The following KANK1 variants were observed in gnomAD, a reference collection of about 807,000 sequenced individuals.
The protein encoded by KANK1 is KN motif and ankyrin repeat domains 1, also known as KN motif and ankyrin repeat domain-containing protein 1.
In KANK1, 109 loss-of-function variants were observed where a neutral mutation model predicts 106.2. That is an observed-to-expected ratio of 1.03 (90% CI 0.88 to 1.20). KANK1 has a LOEUF of 1.20. Among genes scored for constraint, KANK1 ranks in the 50% most tolerant of loss-of-function variants. The pLI is 0.00. For missense variants in KANK1, 2,399 were observed against 1,710.7 expected, an observed-to-expected ratio of 1.40 and a Z score of -7.10; for synonymous variants, 873 against 652.2, an observed-to-expected ratio of 1.34 and a Z score of -5.16.
intron 1 of KANK1, among the ~76,000 whole-genome samples, chr9:539,958 A>G (rs866295470): frequency 6.6e-6 from 1 of 152,242 alleles, no homozygotes; most frequent in Non-Finnish European, 1.5e-5. Flanking sequence ...AAGGTTTTCT[A>G]TATATAAGAT....
chr9:531,155 T>C (rs955698838), intron 1 of KANK1, among the ~76,000 whole-genome samples: 2 of 151,870 alleles, frequency 1.3e-5, no homozygotes, highest in Non-Finnish European at 2.9e-5. Context: ...AAGTACTTAA[T>C]TGGCTGGGTG....
At chr9:657,321 C>G (rs750963088) in intron 1 of KANK1, among the ~76,000 whole-genome samples, 1 of 152,160 alleles carries the variant, frequency 6.6e-6, no homozygotes, top group Non-Finnish European at 1.5e-5. Flanking sequence ...GTGAATAATT[C>G]TGTAGTGAAC....
chr9:666,308 G>C (rs1215870120), intron 1 of KANK1, among the ~76,000 whole-genome samples: 1 of 152,092 alleles, frequency 6.6e-6, no homozygotes, highest in Non-Finnish European at 1.5e-5. Context: ...TTGTATGTTG[G>C]CTTTGTATCC....
chr9:720,930 G>A (rs1051695145), intron 3 of KANK1, among the ~76,000 whole-genome samples: 1 of 152,216 alleles, frequency 6.6e-6, no homozygotes, highest in Non-Finnish European at 1.5e-5. Flanking sequence ...GATCCAAGTT[G>A]ATGGGTTGAA....
At chr9:502,828 G>A (rs186715959), upstream of KANK1, among the ~76,000 whole-genome samples, 1 of 151,826 alleles carries the variant, frequency 6.6e-6, no homozygotes, top group Non-Finnish European at 1.5e-5. Context: ...ACCCGGTCGA[G>A]GGCACTATTT....
Position 494,424 on chromosome 9 carries a change from C to T in KANK1, c.-362+21151C>T, listed in dbSNP as rs556225542. On this transcript the variant is annotated intron_variant, in intron 3 of 15. Coordinates refer to the KANK1 transcript ENST00000382303. ...ATTTATACTGGCGGTATAGAATTCT[C>T]CCCTGTTACTGTGTAACCACGCTAC... 2.0e-5 allele frequency among the ~76,000 whole-genome samples: 3 copies of T among 152,266 alleles called. No individual in the cohort carries two copies. In the South Asian group the frequency reaches 6.2e-4, roughly 32 times the overall value.
chr9:563,910 T>TAA (rs1817136056), intron 1 of KANK1, among the ~76,000 whole-genome samples: 1 of 152,164 alleles, frequency 6.6e-6, no homozygotes, highest in African/African-American at 2.4e-5. Context: ...GGAAACCCAA[T>TAA]AAAAATCACT....
intron 1 of KANK1, among the ~76,000 whole-genome samples, chr9:622,233 C>G (rs1833312513): frequency 1.3e-5 from 2 of 152,112 alleles, no homozygotes; most frequent in Non-Finnish European, 2.9e-5. Context: ...AAAGACTTCC[C>G]TTGGAGCACA....
Position 738,445 on chromosome 9 carries a change from C to G in KANK1, c.3494C>G (p.Ala1165Gly). Reference protein sequence around the residue: ...INLADGNGNTALHYSVSHSNF... With the variant: ...INLADGNGNTGLHYSVSHSNF... The stretch of plus-strand genomic sequence containing the variant: ...TTGGCAGACGGCAACGGCAACACAG[C>G]CCTCCATTACAGCGTGTCCCACTCC... The change falls in exon 8 of 12, where the codon GCC becomes GGC. Residue 1165 changes from alanine (A) to glycine (G), a missense_variant. By Grantham distance (60) the Ala-to-Gly change is moderately conservative (BLOSUM62 0). Transcript: ENST00000382297. The G allele has an allele frequency of 6.2e-7, 1 of 1,614,172 alleles. No homozygotes were observed. The highest frequency in any genetic ancestry group is 1.1e-5 in the South Asian group (1 of 91,072).
intron 1 of KANK1, among the ~76,000 whole-genome samples, chr9:547,654 C>T (rs546939935): frequency 6.6e-6 from 1 of 151,110 alleles, no homozygotes; most frequent in African/African-American, 2.4e-5. Flanking sequence ...TTGTCTTTCA[C>T]ATGGTTTCAA....
At chr9:517,174 A>G (rs1446434684) in intron 1 of KANK1, among the ~76,000 whole-genome samples, 3 of 151,766 alleles carry the variant, frequency 2.0e-5, no homozygotes, top group Admixed American at 6.6e-5. Flanking sequence ...CAGTGGCGTG[A>G]TCTCAGCTAC....
chr9:729,117 A>T (rs1008722989), intron 3 of KANK1, among the ~76,000 whole-genome samples: 1 of 152,256 alleles, frequency 6.6e-6, no homozygotes, highest in African/African-American at 2.4e-5. Flanking sequence ...TACATTAATT[A>T]CAAAATATTA....
intron 1 of KANK1, among the ~76,000 whole-genome samples, chr9:670,964 T>G (rs1353425201): frequency 2.7e-5 from 4 of 146,474 alleles, no homozygotes; most frequent in East Asian, 2.1e-4. Flanking sequence ...TTTTTTTTTT[T>G]TTTTTTTTTT....
At chr9:726,853 G>A (rs1043021742) in intron 3 of KANK1, among the ~76,000 whole-genome samples, 11 of 152,094 alleles carry the variant, frequency 7.2e-5, no homozygotes, top group African/African-American at 1.7e-4. Flanking sequence ...CCAGCTACTC[G>A]GGAGGCTGAG....
At chr9:738,586 C>T (rs1367532756) in intron 8 of KANK1, 82 bp downstream of exon 8, 8 of 1,066,870 alleles carry the variant, frequency 7.5e-6, no homozygotes, top group African/African-American at 4.7e-5. Context: ...TTGAGCCACT[C>T]CTGAATTCTC....
intron 5 of KANK1, chr9:732,166 A>C: frequency 2.0e-6 from 1 of 488,916 alleles, no homozygotes; most frequent in Non-Finnish European, 3.6e-6. Flanking sequence ...CATGATACCA[A>C]TTGGTTATAT....
chr9:686,303 A>G (rs1160239035), intron 2 of KANK1, among the ~76,000 whole-genome samples: 1 of 152,138 alleles, frequency 6.6e-6, no homozygotes, highest in Non-Finnish European at 1.5e-5. Context: ...ACGCACCACG[A>G]ATATGTTTTT....
intron 1 of KANK1, among the ~76,000 whole-genome samples, chr9:613,229 G>A (rs1830988481): frequency 6.6e-6 from 1 of 151,426 alleles, no homozygotes; most frequent in Non-Finnish European, 1.5e-5. Flanking sequence ...TTAAGATTCA[G>A]TAAGCTAGCA....
At chr9:530,059 G>T (rs9407295) in intron 1 of KANK1, among the ~76,000 whole-genome samples, 7,513 of 152,246 alleles carry the variant, frequency 0.049, 249 homozygotes, top group South Asian at 0.089. Flanking sequence ...ATTTATAAGA[G>T]CTGTTTGTAT....
Sources: gnomAD v4.1 joint callset for allele counts (sites outside exome capture counted in the v4.1 genomes callset) on GRCh38, gnomAD v4.1.1 for gene constraint, MANE v1.5 for transcripts, NCBI Gene and HGNC (gene_info 2026-07-23, HGNC 2026-07-21) for gene names.